Variants in PIEZO2 observed in about 807,000 individuals in gnomAD.
PIEZO2 encodes piezo type mechanosensitive ion channel component 2, also known as piezo-type mechanosensitive ion channel component 2.
PIEZO2 carries 172 observed loss-of-function variants against 337.3 expected under a neutral mutation model. That is an observed-to-expected ratio of 0.51 (90% CI 0.45 to 0.58). The LOEUF is 0.58. Among genes scored for constraint, PIEZO2 ranks in the 20% least tolerant of loss-of-function variants. The pLI is 0.00. For missense variants in PIEZO2, 3,028 were observed against 3,391.3 expected, an observed-to-expected ratio of 0.89 and a Z score of 2.66; for synonymous variants, 1,251 against 1,228.5, an observed-to-expected ratio of 1.02 and a Z score of -0.38.
In PIEZO2 at chr18:10,678,977, G is replaced by A. The variant is rs568902481; in HGVS notation, c.7953-1102C>T. On this transcript the variant is annotated intron_variant, in intron 52 of 55. Coordinates refer to ENST00000674853, the MANE Select transcript of PIEZO2 (RefSeq NM_001378183.1). ...TGAGACGAAATCTTGCTGTCACTCA[G>A]GCTGGAGTGCAGTGGCGTGATCTCA... 4.9e-4 allele frequency among the ~76,000 whole-genome samples: 72 copies of A among 148,266 alleles called. 1 individual carries two copies. The highest frequency in any genetic ancestry group is 1.8e-3 in the African/African-American group (72 of 39,852).
intron 3 of PIEZO2, among the ~76,000 whole-genome samples, chr18:10,961,781 T>C (rs914156980): frequency 6.6e-6 from 1 of 152,112 alleles, no homozygotes; most frequent in Non-Finnish European, 1.5e-5. Flanking sequence ...ATTTTTTTTT[T>C]CAAAAGTGAT....
At chr18:10,941,620 T>A (rs180778104) in intron 3 of PIEZO2, among the ~76,000 whole-genome samples, 1 of 152,150 alleles carries the variant, frequency 6.6e-6, no homozygotes, top group Non-Finnish European at 1.5e-5. Flanking sequence ...CTAGGACAAA[T>A]GTTCCAGGAA....
Position 11,104,916 on chromosome 18 carries a change from A to G in PIEZO2, c.65-38694T>C, listed in dbSNP as rs73400557. ...GGCTAATGAGGCCCCCTCCCCAGGT[A>G]CAATGTTTGGTGCTGGGATCCCAGC... On this transcript the variant is annotated intron_variant, in intron 1 of 55. Coordinates refer to ENST00000674853, the MANE Select transcript of PIEZO2 (RefSeq NM_001378183.1). This position sits in a 1 kb window ranked among gnomAD's most constrained non-coding sequence, Gnocchi z 4.6. Among the ~76,000 whole-genome samples, 16,816 of 151,994 alleles carry G rather than the reference A, an allele frequency of 0.11. 2,133 individuals are homozygous for G. The highest frequency in any genetic ancestry group is 0.31 in the African/African-American group (12,929 of 41,394).
At chr18:10,987,591 C>T (rs986169624) in intron 2 of PIEZO2, among the ~76,000 whole-genome samples, 1 of 151,772 alleles carries the variant, frequency 6.6e-6, no homozygotes, top group African/African-American at 2.4e-5. Flanking sequence ...AATTACAAAA[C>T]ACCCAGGAGA....
chr18:10,808,633 T>G (rs1242310757), intron 7 of PIEZO2, among the ~76,000 whole-genome samples: 1 of 152,234 alleles, frequency 6.6e-6, no homozygotes. Flanking sequence ...TAACTTGTTC[T>G]TATTATAAAA....
In PIEZO2 at chr18:10,988,165, G is replaced by A. The variant is rs1379596081; in HGVS notation, c.161-8505C>T. On this transcript the variant is annotated intron_variant, in intron 2 of 55. Transcript: ENST00000674853. The surrounding 1 kb of genome is among the most constrained non-coding windows in gnomAD (Gnocchi z 4.8). ...GTGTTGAGAAAATGTATTCATTCCC[G>A]TTCAGCCATTTTGCCATGTGAGGAC... Among the ~76,000 whole-genome samples the A allele has an allele frequency of 6.6e-6, 1 of 151,878 alleles. No homozygotes were observed. The highest frequency in any genetic ancestry group is 1.9e-4 in the East Asian group (1 of 5,190).
At position 10,993,382 on chromosome 18, in the gene PIEZO2, C is replaced by CA. The variant is rs1374277421; in HGVS notation, c.161-13723_161-13722insT. Among the ~76,000 whole-genome samples, 1 of 152,108 alleles carries CA rather than the reference C, an allele frequency of 6.6e-6. No homozygotes were observed. On this transcript the variant is annotated intron_variant, in intron 2 of 55. Coordinates refer to ENST00000674853, the MANE Select transcript of PIEZO2 (RefSeq NM_001378183.1). The surrounding 1 kb of genome is among the most constrained non-coding windows in gnomAD (Gnocchi z 5.0). Reference sequence around the variant, plus strand: ...AGCTCTTATTATTTTGAGATGCGTTCTATTGATACCTAGTTTATTGAGAGT... The same window carrying CA: ...AGCTCTTATTATTTTGAGATGCGTTCATATTGATACCTAGTTTATTGAGAGT...
At chr18:10,937,896 TA>T (rs1479331497) in intron 3 of PIEZO2, among the ~76,000 whole-genome samples, 1 of 152,158 alleles carries the variant, frequency 6.6e-6, no homozygotes, top group African/African-American at 2.4e-5. Flanking sequence ...AGTGTTCCTT[TA>T]AAAAACTGCT....
chr18:11,050,524 T>TACACACACACAC (rs56107549), intron 2 of PIEZO2, among the ~76,000 whole-genome samples: 10 of 149,078 alleles, frequency 6.7e-5, no homozygotes, highest in African/African-American at 2.5e-4. Flanking sequence ...GTGTTTATTT[T>TACACACACACAC]ACACACACAC....
chr18:10,754,482 C>G (rs184840663), intron 27 of PIEZO2, among the ~76,000 whole-genome samples: 153 of 152,322 alleles, frequency 1.0e-3, no homozygotes, highest in African/African-American at 3.4e-3. Context: ...CATTGAGAAA[C>G]AGAACAAAAA....
intron 4 of PIEZO2, among the ~76,000 whole-genome samples, chr18:10,883,475 A>G (rs1289920920): frequency 6.6e-6 from 1 of 152,200 alleles, no homozygotes; most frequent in African/African-American, 2.4e-5. Context: ...AATAAAAACT[A>G]TAGATATTTA....
In PIEZO2 at chr18:10,784,796, T is replaced by C. The variant is rs763239272; in HGVS notation, c.2480A>G (p.Asn827Ser). Residue 827 changes from asparagine (N) to serine (S), a missense_variant, in exon 17 of 56, where the codon AAC (asparagine) becomes AGC (serine). Physicochemically the swap from Asn to Ser is conservative, Grantham distance 46. Around this residue, in one of 5 missense-constraint regions of PIEZO2, gnomAD observed 1,925 missense variants for 2,051.9 expected, o/e 0.94. Transcript: ENST00000674853. The surrounding 1 kb of genome is among the most constrained non-coding windows in gnomAD (Gnocchi z 4.5). ...TCCAGTGGCTCACCTGTAGATGGTG[T>C]TGTCTTCTTTGCTGGGAATGGACTT... ...DLKSIPSKED[N>S]TIYSHAKVNG... The C allele has an allele frequency of 3.9e-6, 6 of 1,536,682 alleles. No homozygotes were observed. The South Asian group carries it at 4.8e-5, about 12-fold the overall frequency.
intron 10 of PIEZO2, among the ~76,000 whole-genome samples, chr18:10,800,733 T>C (rs1294372437): frequency 6.6e-6 from 1 of 152,246 alleles, no homozygotes; most frequent in East Asian, 1.9e-4. Context: ...GCTTCGCACC[T>C]GCTGTCCTCA....
intron 4 of PIEZO2, among the ~76,000 whole-genome samples, chr18:10,907,245 C>G (rs2145046531): frequency 6.6e-6 from 1 of 152,142 alleles, no homozygotes; most frequent in Non-Finnish European, 1.5e-5. Flanking sequence ...GAGTTCAAGA[C>G]TAGCCTGGCC....
At chr18:10,868,392 A>C (rs1308930896) in intron 5 of PIEZO2, among the ~76,000 whole-genome samples, 1 of 152,202 alleles carries the variant, frequency 6.6e-6, no homozygotes, top group Non-Finnish European at 1.5e-5. Flanking sequence ...TATTCCTCTC[A>C]GATTCAAGTC....
chr18:10,762,249 T>G (rs913011215), intron 23 of PIEZO2, among the ~76,000 whole-genome samples: 5 of 152,258 alleles, frequency 3.3e-5, no homozygotes, highest in Admixed American at 3.3e-4. Flanking sequence ...GGTCTTAACA[T>G]GATTGTATAA....
intron 36 of PIEZO2, among the ~76,000 whole-genome samples, chr18:10,728,880 G>A (rs1278245172): frequency 6.6e-6 from 1 of 150,764 alleles, no homozygotes; most frequent in Non-Finnish European, 1.5e-5. Flanking sequence ...GTGTGAACCC[G>A]GCAGGCAGAG....
At chr18:10,948,390 A>C (rs2033133762) in intron 3 of PIEZO2, among the ~76,000 whole-genome samples, 1 of 152,186 alleles carries the variant, frequency 6.6e-6, no homozygotes, top group Non-Finnish European at 1.5e-5. Flanking sequence ...GTTACAAAAA[A>C]ATTCGTGTGA....
At chr18:11,063,788 T>C (rs1018848105) in intron 2 of PIEZO2, among the ~76,000 whole-genome samples, 1 of 152,192 alleles carries the variant, frequency 6.6e-6, no homozygotes, top group African/African-American at 2.4e-5. Context: ...CAATGTACTT[T>C]CATATAATTC....
Sources: allele counts gnomAD v4.1 joint callset (sites outside exome capture counted in the v4.1 genomes callset), GRCh38; gene constraint gnomAD v4.1.1; regional missense constraint gnomAD v4.1.1; non-coding constraint Gnocchi (gnomAD v3.1); transcripts MANE v1.5; gene names NCBI Gene and HGNC (gene_info 2026-07-23, HGNC 2026-07-21).